The following SNX9 variants were observed in gnomAD, a reference collection of about 807,000 sequenced individuals.
SNX9 encodes the protein sorting nexin-9.
SNX9 carries 44 observed loss-of-function variants against 89.4 expected under a neutral mutation model. That is an observed-to-expected ratio of 0.49 (90% confidence interval 0.39 to 0.63). The LOEUF (loss-of-function observed/expected upper bound fraction) is 0.63, where lower values mean the gene tolerates loss of function less well. Ranked by LOEUF, SNX9 falls within the 30% of genes least tolerant of loss-of-function variation. The probability of loss-of-function intolerance (pLI) is 0.00; values close to 1 mark genes in which losing one functional copy is unlikely to be tolerated. For synonymous variants in SNX9, 236 were observed against 247.8 expected, an observed-to-expected ratio of 0.95 and a Z score of 0.45; for missense variants, 578 against 736.1, an observed-to-expected ratio of 0.79 and a Z score of 2.49.
Position 157,896,976 on chromosome 6 carries a change from C to CT in SNX9, c.450_451insT (p.Pro151SerfsTer11). On this transcript the variant is annotated frameshift_variant, in exon 5 of 18. Transcript: ENST00000392185. LOFTEE classifies it high-confidence loss of function. ...ACAACTGGGACACTGCCTTCGGCCA[C>CT]CCCCAGGCCTACCAAGGACCAGGTG... The CT allele has an allele frequency of 6.2e-7, 1 of 1,604,110 alleles. No individual in the cohort carries two copies. Among genetic ancestry groups the CT allele is most frequent in the Admixed American group, 1.8e-5 (1 of 56,408 alleles).
intron 1 of SNX9, among the ~76,000 whole-genome samples, chr6:157,846,936 A>G (rs914031742): frequency 2.0e-5 from 3 of 152,158 alleles, no homozygotes; most frequent in Non-Finnish European, 4.4e-5. Context: ...AGTCCCAGCT[A>G]CTTGGGAGGC....
rs1172528601 is a variant in SNX9, at chr6:157,943,109, A to G, written c.*271A>G. The G allele has an allele frequency of 3.1e-6, 1 of 318,922 alleles. No homozygotes were observed. Among genetic ancestry groups the G allele is most frequent in the East Asian group, 5.6e-5 (1 of 18,012 alleles). 19.8% of individuals were successfully genotyped at this position (318,922 alleles called of 1,614,324 possible). A position where few individuals can be genotyped will look rare whatever the true frequency, so the allele number is the denominator to read the frequency against. ...TAAAAGTTACCAGAATTTTCAATGG[A>G]AAATGAGGGGTTTCTCCCCACTGAT... is the stretch of plus-strand genomic sequence containing the variant. On this transcript the variant is annotated 3_prime_UTR_variant, in exon 18 of 18. Coordinates refer to ENST00000392185, the MANE Select transcript of SNX9 (RefSeq NM_016224.5).
intron 7 of SNX9, 103 bp downstream of exon 7, chr6:157,906,315 A>C: frequency 1.2e-6 from 1 of 833,784 alleles, no homozygotes; most frequent in Admixed American, 3.1e-5. Context: ...GTATTTTTAA[A>C]TATATTTAAT....
At chr6:157,824,044 G>A (rs1223134261) in intron 1 of SNX9, among the ~76,000 whole-genome samples, 1 of 152,214 alleles carries the variant, frequency 6.6e-6, no homozygotes, top group African/African-American at 2.4e-5. Flanking sequence ...CCTTTTCATT[G>A]TGAATGGCAT....
At chr6:157,834,581 C>T (rs575392303) in intron 1 of SNX9, among the ~76,000 whole-genome samples, 1 of 152,016 alleles carries the variant, frequency 6.6e-6, no homozygotes, top group Admixed American at 6.5e-5. Context: ...TCTCAAACTC[C>T]TAGGCTCAAA....
chr6:157,879,229 C>T (rs751938072), intron 4 of SNX9, among the ~76,000 whole-genome samples: 11 of 152,194 alleles, frequency 7.2e-5, no homozygotes, highest in Non-Finnish European at 1.5e-4. Context: ...TTGTTTGTAA[C>T]AGCAGAAAAC....
intron 9 of SNX9, among the ~76,000 whole-genome samples, chr6:157,916,584 C>T (rs541996765): frequency 6.6e-6 from 1 of 152,262 alleles, no homozygotes; most frequent in East Asian, 1.9e-4. Flanking sequence ...GTGCTTTTAT[C>T]AAGTTAAGGA....
intron 5 of SNX9, among the ~76,000 whole-genome samples, chr6:157,901,075 A>T (rs917777355): frequency 9.9e-5 from 15 of 152,108 alleles, no homozygotes; most frequent in Non-Finnish European, 1.9e-4. Context: ...CTGGGATAGG[A>T]ATCTTGGTGA....
At chr6:157,918,864 A>G (rs1783525668) in intron 9 of SNX9, among the ~76,000 whole-genome samples, 1 of 152,034 alleles carries the variant, frequency 6.6e-6, no homozygotes, top group South Asian at 2.1e-4. Context: ...TCTCCTATAT[A>G]GCTTTATTCC....
intron 1 of SNX9, among the ~76,000 whole-genome samples, chr6:157,837,197 A>G (rs1781601251): frequency 6.6e-6 from 1 of 152,250 alleles, no homozygotes; most frequent in Non-Finnish European, 1.5e-5. Flanking sequence ...TAGTGTTGTC[A>G]GTAACTTTTC....
At chr6:157,871,413 T>G (rs1782408211) in intron 2 of SNX9, among the ~76,000 whole-genome samples, 1 of 151,984 alleles carries the variant, frequency 6.6e-6, no homozygotes, top group Admixed American at 6.6e-5. Flanking sequence ...AGAAAAAGAT[T>G]ATGTAGTAAT....
At chr6:157,913,032 T>C (rs1020828254) in intron 9 of SNX9, among the ~76,000 whole-genome samples, 4 of 152,160 alleles carry the variant, frequency 2.6e-5, no homozygotes, top group African/African-American at 9.7e-5. Flanking sequence ...TTTCAACCAA[T>C]GATAGGATAA....
At chr6:157,873,045 C>A in intron 2 of SNX9, 57 bp from the exon 3 acceptor site, 1 of 1,423,386 alleles carries the variant, frequency 7.0e-7, no homozygotes, top group South Asian at 1.5e-5. Flanking sequence ...CAAAATTTCT[C>A]CAGGAAATCT....
In SNX9 at chr6:157,823,318, C is replaced by A; in HGVS notation, c.-117C>A. 1.1e-6 allele frequency: 1 copy of A among 931,516 alleles called. No homozygotes were observed. The highest frequency in any genetic ancestry group is 1.4e-6 in the Non-Finnish European group (1 of 737,906). The allele number at this position is 931,516 out of a possible 1,614,324, so 57.7% of individuals were successfully genotyped here. ...GGCCGAGGCGGAGGAGCGGCCGCCG[C>A]GCCGGGGCCCAGCCGGAGCCGCCGC... On this transcript the variant is annotated 5_prime_UTR_variant, in exon 1 of 18. Transcript: ENST00000392185. This position sits in a 1 kb window ranked among gnomAD's most constrained non-coding sequence, Gnocchi z 4.6.
chr6:157,906,094 C>A, intron 6 of SNX9, 34 bp from the exon 7 acceptor site: 1 of 1,571,792 alleles, frequency 6.4e-7, no homozygotes, highest in Non-Finnish European at 8.7e-7. Context: ...CAAGGAAAGT[C>A]TTAAGACTGA....
At chr6:157,844,898 G>A (rs935191756) in intron 1 of SNX9, among the ~76,000 whole-genome samples, 5 of 151,394 alleles carry the variant, frequency 3.3e-5, no homozygotes, top group Non-Finnish European at 1.5e-5. Context: ...CCTGGCCGTC[G>A]TCCTTGTTTT....
intron 4 of SNX9, among the ~76,000 whole-genome samples, chr6:157,877,296 G>A (rs3792935): frequency 1.3e-5 from 2 of 151,818 alleles, no homozygotes; most frequent in African/African-American, 4.8e-5. Context: ...GGGGCATCTA[G>A]TCTAACATTG....
chr6:157,891,158 A>G (rs1243783348), intron 4 of SNX9, among the ~76,000 whole-genome samples: 1 of 150,560 alleles, frequency 6.6e-6, no homozygotes, highest in Non-Finnish European at 1.5e-5. Flanking sequence ...CAGCCTCCCA[A>G]GTAGCTGGGA....
intron 16 of SNX9, among the ~76,000 whole-genome samples, chr6:157,939,578 G>T (rs187783638): frequency 3.9e-5 from 6 of 152,312 alleles, no homozygotes; most frequent in Non-Finnish European, 2.9e-5. Flanking sequence ...GGGGAGAAGA[G>T]AATGAAGCAC....
Sources: gnomAD v4.1 joint callset for allele counts (sites outside exome capture counted in the v4.1 genomes callset) on GRCh38, gnomAD v4.1.1 for gene constraint, Gnocchi (gnomAD v3.1) non-coding constraint, MANE v1.5 for transcripts, NCBI Gene and HGNC (gene_info 2026-07-23, HGNC 2026-07-21) for gene names.